Variants in ARHGAP32 observed in about 807,000 individuals in gnomAD.
The protein encoded by ARHGAP32 is Rho GTPase activating protein 32.
ARHGAP32 carries 51 observed loss-of-function variants against 186.5 expected under a neutral mutation model. The ratio of observed to expected loss-of-function variants is 0.27; its 90% CI spans 0.22 to 0.35. The LOEUF is 0.35. Among genes scored for constraint, ARHGAP32 ranks in the 10% least tolerant of loss-of-function variants. The pLI is 1.00. For missense variants in ARHGAP32, 2,186 were observed against 2,623.5 expected, an observed-to-expected ratio of 0.83 and a Z score of 3.64; for synonymous variants, 950 against 964.3, an observed-to-expected ratio of 0.99 and a Z score of 0.27.
intron 1 of ARHGAP32, among the ~76,000 whole-genome samples, chr11:129,232,292 A>C (rs1317593513): frequency 6.6e-6 from 1 of 152,190 alleles, no homozygotes; most frequent in East Asian, 1.9e-4. Flanking sequence ...TACACTTTAT[A>C]CAACAGAGGG....
At chr11:129,253,628 A>T (rs1201313736) in intron 1 of ARHGAP32, among the ~76,000 whole-genome samples, 1 of 152,192 alleles carries the variant, frequency 6.6e-6, no homozygotes, top group East Asian at 1.9e-4. Context: ...GAATCCTCAT[A>T]GGGCAATCAA....
At chr11:129,048,734 A>T (rs1232266659) in intron 10 of ARHGAP32, among the ~76,000 whole-genome samples, 1 of 152,234 alleles carries the variant, frequency 6.6e-6, no homozygotes, top group Non-Finnish European at 1.5e-5. Flanking sequence ...TGAGGGGATT[A>T]AATTTCTTTT....
intron 1 of ARHGAP32, among the ~76,000 whole-genome samples, chr11:129,261,031 A>T (rs1945314224): frequency 6.6e-6 from 1 of 152,126 alleles, no homozygotes; most frequent in African/African-American, 2.4e-5. Context: ...ACTACTTAAA[A>T]TATCCTGAGC....
intron 5 of ARHGAP32, among the ~76,000 whole-genome samples, chr11:129,112,668 T>C (rs1176094628): frequency 2.0e-5 from 3 of 152,210 alleles, no homozygotes; most frequent in South Asian, 2.1e-4. Flanking sequence ...TACCCTGACA[T>C]TTTTAAAGCC....
chr11:129,137,870 T>C (rs917731554), intron 2 of ARHGAP32, among the ~76,000 whole-genome samples: 4 of 152,066 alleles, frequency 2.6e-5, no homozygotes, highest in African/African-American at 9.7e-5. Flanking sequence ...AATTCAATAC[T>C]AATACAGTTA....
intron 2 of ARHGAP32, among the ~76,000 whole-genome samples, chr11:129,138,120 C>G (rs1408465683): frequency 6.6e-6 from 1 of 151,626 alleles, no homozygotes; most frequent in Non-Finnish European, 1.5e-5. Flanking sequence ...CAAGACAAAC[C>G]AAATGAATGT....
rs142865040 is a variant in ARHGAP32 at position 129,022,694 on chromosome 11, A to C, written c.1045+18234T>G. Among the ~76,000 whole-genome samples the C allele has an allele frequency of 6.7e-4, 102 of 152,270 alleles. No individual in the cohort carries two copies. In the East Asian group the frequency reaches 0.017, roughly 26 times the overall value. On this transcript the variant is annotated intron_variant, in intron 11 of 22. Transcript: ENST00000682385. The stretch of plus-strand genomic sequence containing the variant: ...CTACTACAATTTCTTGTTACATTTC[A>C]TCTGAAAACTTTGAGAATCCCTGAG...
At chr11:129,012,135 C>G (rs993358531) in intron 11 of ARHGAP32, among the ~76,000 whole-genome samples, 2 of 152,110 alleles carry the variant, frequency 1.3e-5, no homozygotes, top group Non-Finnish European at 2.9e-5. Flanking sequence ...AAAAGGACCA[C>G]GTGCTTAGTG....
intron 11 of ARHGAP32, among the ~76,000 whole-genome samples, chr11:129,022,648 A>G (rs73579345): frequency 2.0e-5 from 3 of 152,284 alleles, no homozygotes; most frequent in African/African-American, 7.2e-5. Flanking sequence ...ATTCTGTGTC[A>G]ATCAATAGGA....
intron 11 of ARHGAP32, among the ~76,000 whole-genome samples, chr11:129,022,161 T>C (rs1180590151): frequency 2.0e-5 from 3 of 152,068 alleles, no homozygotes; most frequent in Non-Finnish European, 4.4e-5. Context: ...ACATCAAAGG[T>C]AACAGGACTA....
intron 1 of ARHGAP32, among the ~76,000 whole-genome samples, chr11:129,234,642 C>G (rs115826766): frequency 6.6e-6 from 1 of 152,056 alleles, no homozygotes; most frequent in African/African-American, 2.4e-5. Flanking sequence ...CTACTACTTA[C>G]TCAAAAAGAA....
At chr11:129,077,935 C>T (rs866224537) in intron 6 of ARHGAP32, among the ~76,000 whole-genome samples, 2 of 152,334 alleles carry the variant, frequency 1.3e-5, no homozygotes, top group Middle Eastern at 6.8e-3. Context: ...ACAGCTAATT[C>T]CACAACCTGT....
intron 1 of ARHGAP32, among the ~76,000 whole-genome samples, chr11:129,214,473 T>C (rs1944620337): frequency 6.6e-6 from 1 of 152,212 alleles, no homozygotes; most frequent in African/African-American, 2.4e-5. Context: ...CTGGCTTGAA[T>C]GAAAATAAAT....
At chr11:129,065,054 G>C (rs373082380) in intron 7 of ARHGAP32, 121 bp from the exon 8 acceptor site, 2 of 751,404 alleles carry the variant, frequency 2.7e-6, no homozygotes, top group Non-Finnish European at 4.3e-6. Context: ...TAGTTACAGA[G>C]GACTCTTCAC....
chr11:129,051,848 G>C (rs184960459), intron 10 of ARHGAP32, among the ~76,000 whole-genome samples: 1 of 150,644 alleles, frequency 6.6e-6, no homozygotes, highest in Non-Finnish European at 1.5e-5. Context: ...CCAACTACTC[G>C]GGAAGCTGAA....
chr11:129,133,113 G>C (rs867863335), intron 2 of ARHGAP32, among the ~76,000 whole-genome samples: 1 of 152,174 alleles, frequency 6.6e-6, no homozygotes, highest in Non-Finnish European at 1.5e-5. Context: ...TACATGTTTA[G>C]AGCCGGTGGA....
At chr11:129,226,532 C>T (rs1944784149) in intron 1 of ARHGAP32, among the ~76,000 whole-genome samples, 1 of 152,082 alleles carries the variant, frequency 6.6e-6, no homozygotes, top group African/African-American at 2.4e-5. Context: ...CCCCTTTCTT[C>T]CCTCCATTAT....
upstream of ARHGAP32, among the ~76,000 whole-genome samples, chr11:129,197,011 C>T (rs1386950890): frequency 2.0e-5 from 3 of 151,854 alleles, no homozygotes; most frequent in Non-Finnish European, 4.4e-5. Flanking sequence ...GAGCCAAGAG[C>T]GCGCCACTGC....
In ARHGAP32 at chr11:128,978,868, C is replaced by G. The variant is rs758300597; in HGVS notation, c.2024G>C (p.Arg675Pro). Residue 675 changes from arginine to proline, a missense_variant, in exon 19 of 23, where the codon CGT becomes CCT. Arg to Pro is a moderately radical substitution (Grantham distance 103). Around this residue, in one of 5 missense-constraint regions of ARHGAP32, gnomAD observed 263 missense variants for 323.5 expected, o/e 0.81. Transcript: ENST00000682385. ...TGATTTCCCCAAGTTGAAAAAGGAA[C>G]GCCAGCTACCCACAGGAGACTTTTT... ...KMKKSPVGSW[R>P]SFFNLGKSSS... is the part of the protein sequence containing the mutation. 1 of 1,612,334 alleles carries G rather than the reference C, an allele frequency of 6.2e-7. No individual in the cohort carries two copies. The highest frequency in any genetic ancestry group is 1.7e-5 in the Admixed American group (1 of 59,784).
Sources: gnomAD v4.1 joint callset for allele counts (sites outside exome capture counted in the v4.1 genomes callset) on GRCh38, gnomAD v4.1.1 for gene constraint, gnomAD v4.1.1 regional missense constraint, MANE v1.5 for transcripts, NCBI Gene and HGNC (gene_info 2026-07-23, HGNC 2026-07-21) for gene names.